The following SNTG1 variants were observed in gnomAD, a reference collection of about 807,000 sequenced individuals.
The protein encoded by SNTG1 is syntrophin gamma 1.
Under a neutral mutation model 74.7 loss-of-function variants are expected in SNTG1, and 39 were observed. The observed-to-expected ratio is 0.52, with a 90% CI of 0.40 to 0.68. SNTG1 has a LOEUF of 0.68. Ranked by LOEUF, SNTG1 falls within the 30% of genes least tolerant of loss-of-function variation. The pLI is 0.00. For synonymous variants in SNTG1, 254 were observed against 217.1 expected, an observed-to-expected ratio of 1.17 and a Z score of -1.49; for missense variants, 685 against 609.5, an observed-to-expected ratio of 1.12 and a Z score of -1.30.
chr8:50,587,408 TATTG>T (rs1191508962), intron 12 of SNTG1, among the ~76,000 whole-genome samples: 1 of 152,204 alleles, frequency 6.6e-6, no homozygotes, highest in African/African-American at 2.4e-5. Context: ...GTTTTGGATA[TATTG>T]ATTATTGTTT....
intron 2 of SNTG1, among the ~76,000 whole-genome samples, chr8:50,388,107 C>T (rs892934119): frequency 6.6e-6 from 1 of 152,152 alleles, no homozygotes; most frequent in Non-Finnish European, 1.5e-5. Context: ...AAATCTCAGG[C>T]TCATGGCTAT....
At chr8:49,918,341 T>C (rs1806228190) in intron 1 of SNTG1, among the ~76,000 whole-genome samples, 2 of 152,158 alleles carry the variant, frequency 1.3e-5, no homozygotes, top group Non-Finnish European at 1.5e-5. Flanking sequence ...CAGCATCTTT[T>C]CCAGCTACTG....
intron 17 of SNTG1, among the ~76,000 whole-genome samples, chr8:50,719,830 A>G (rs1342950241): frequency 1.3e-5 from 2 of 152,198 alleles, no homozygotes; most frequent in African/African-American, 2.4e-5. Context: ...ATAATGTTTG[A>G]GTTTTAGAAA....
At chr8:50,409,482 G>A (rs1489807315) in intron 4 of SNTG1, among the ~76,000 whole-genome samples, 1 of 152,190 alleles carries the variant, frequency 6.6e-6, no homozygotes, top group African/African-American at 2.4e-5. Flanking sequence ...AACGTAGGCA[G>A]CAATTATTCA....
chr8:50,238,792 G>T (rs1315356205), intron 2 of SNTG1, among the ~76,000 whole-genome samples: 1 of 151,962 alleles, frequency 6.6e-6, no homozygotes, highest in East Asian at 1.9e-4. Context: ...AAACAAATTT[G>T]CAAGAAGAAA....
intron 1 of SNTG1, among the ~76,000 whole-genome samples, chr8:50,136,585 C>G (rs2081482709): frequency 1.3e-5 from 2 of 152,086 alleles, no homozygotes; most frequent in South Asian, 4.1e-4. Context: ...TGAGAAACAC[C>G]TGAATAGCAG....
At position 50,554,017 on chromosome 8, in the gene SNTG1, G is replaced by C. The variant is rs181208579; in HGVS notation, c.810+838G>C. ...AGTCTAATATACAAATGATCAAGCA[G>C]AAATATATAACTCTGTCACCAGCAC... On this transcript the variant is annotated intron_variant, in intron 12 of 18. Coordinates refer to ENST00000642720, the MANE Select transcript of SNTG1 (RefSeq NM_018967.5). 1.1e-4 allele frequency among the ~76,000 whole-genome samples: 17 copies of C among 152,230 alleles called. No homozygotes were observed. The South Asian group carries it at 1.5e-3, about 13-fold the overall frequency.
chr8:50,280,883 G>A (rs1281828027), intron 2 of SNTG1, among the ~76,000 whole-genome samples: 5 of 151,614 alleles, frequency 3.3e-5, no homozygotes, highest in African/African-American at 1.2e-4. Flanking sequence ...GCCCAGCAAG[G>A]TGGCTCACGC....
intron 18 of SNTG1, among the ~76,000 whole-genome samples, chr8:50,775,733 G>T (rs2131805379): frequency 6.6e-6 from 1 of 151,646 alleles, no homozygotes; most frequent in South Asian, 2.1e-4. Flanking sequence ...ATGTAATTGT[G>T]TATTTATCCA....
intron 4 of SNTG1, among the ~76,000 whole-genome samples, chr8:50,424,190 A>G (rs557468863): frequency 6.6e-6 from 1 of 152,300 alleles, no homozygotes; most frequent in South Asian, 2.1e-4. Flanking sequence ...TTAAACATGG[A>G]GAGATAGCGA....
rs375350560 is a variant in SNTG1, at chr8:50,730,316, A to G, written c.1284+21338A>G. ...GGATGAAGGCATTAATTAGTGTGAA[A>G]AAGAACACTGCTATTTAAAAGGCTT... is the stretch of plus-strand genomic sequence containing the variant. On this transcript the variant is annotated intron_variant, in intron 17 of 18. Transcript: ENST00000642720. 1.4e-4 allele frequency among the ~76,000 whole-genome samples: 22 copies of G among 152,318 alleles called. No homozygotes were observed. The East Asian group carries it at 3.5e-3, about 24-fold the overall frequency.
intron 15 of SNTG1, among the ~76,000 whole-genome samples, chr8:50,692,956 G>T (rs533660143): frequency 2.0e-3 from 307 of 152,284 alleles, no homozygotes; most frequent in African/African-American, 6.3e-3. Flanking sequence ...GGCAATGGTG[G>T]TGCCCCTCCC....
intron 2 of SNTG1, among the ~76,000 whole-genome samples, chr8:50,276,373 TTATATATATATATATATATATA>T (rs6150576): frequency 1.4e-5 from 2 of 143,458 alleles, no homozygotes; most frequent in African/African-American, 5.4e-5. Context: ...CAAGTAAATT[TTATATATATATATATATATATA>T]TATATATATA....
intron 18 of SNTG1, among the ~76,000 whole-genome samples, chr8:50,770,632 T>G (rs1455061185): frequency 1.3e-5 from 2 of 152,056 alleles, no homozygotes; most frequent in African/African-American, 4.8e-5. Flanking sequence ...GGTTTTAATA[T>G]GGCTTCTCCC....
At chr8:50,702,881 T>G (rs957963804) in intron 15 of SNTG1, among the ~76,000 whole-genome samples, 3 of 151,320 alleles carry the variant, frequency 2.0e-5, no homozygotes, top group Non-Finnish European at 4.4e-5. Context: ...AAGTAGTTGT[T>G]TAAACACATC....
chr8:50,096,419 T>C (rs1037749323), intron 1 of SNTG1, among the ~76,000 whole-genome samples: 1 of 152,174 alleles, frequency 6.6e-6, no homozygotes, highest in African/African-American at 2.4e-5. Flanking sequence ...CGAGTATAAT[T>C]GTGAAGGAGG....
chr8:49,942,757 C>T (rs1808813986), intron 1 of SNTG1, among the ~76,000 whole-genome samples: 1 of 152,172 alleles, frequency 6.6e-6, no homozygotes, highest in Admixed American at 6.5e-5. Context: ...AGGTGGAAGA[C>T]CACAGAGGTA....
At chr8:50,450,771 C>A in intron 8 of SNTG1, 42 bp downstream of exon 8, 4 of 1,594,078 alleles carry the variant, frequency 2.5e-6, no homozygotes, top group Non-Finnish European at 3.4e-6. Flanking sequence ...TCCCCATGTG[C>A]AAATAAGAAT....
chr8:49,911,089 TTC>T (rs1805555165), upstream of SNTG1: 1 of 152,202 alleles, frequency 6.6e-6, no homozygotes. Context: ...CATTCTTTCA[TTC>T]TCTGTCTTTT....
Sources: allele counts gnomAD v4.1 joint callset (sites outside exome capture counted in the v4.1 genomes callset), GRCh38; gene constraint gnomAD v4.1.1; transcripts MANE v1.5; gene names NCBI Gene and HGNC (gene_info 2026-07-23, HGNC 2026-07-21).